The following MBD5 variants were observed in gnomAD, a reference collection of about 807,000 sequenced individuals.
MBD5 encodes the protein methyl-CpG-binding domain protein 5.
A neutral mutation model predicts 117.3 loss-of-function variants in MBD5; 13 were observed. The ratio of observed to expected loss-of-function variants is 0.11; its 90% CI spans 0.07 to 0.18. MBD5 has a LOEUF of 0.18. MBD5 is among the 10% of genes least tolerant of loss of function. MBD5 has a pLI of 1.00. For synonymous variants in MBD5, 727 were observed against 766.4 expected, an observed-to-expected ratio of 0.95 and a Z score of 0.85; for missense variants, 1,879 against 2,093.8, an observed-to-expected ratio of 0.90 and a Z score of 2.00.
intron 1 of MBD5, among the ~76,000 whole-genome samples, chr2:148,102,693 A>C (rs946800670): frequency 6.8e-6 from 1 of 147,812 alleles, no homozygotes; most frequent in Non-Finnish European, 1.5e-5. Context: ...ACAGAGAGAG[A>C]GAGAGATCAC....
intron 3 of MBD5, among the ~76,000 whole-genome samples, chr2:148,276,962 T>C (rs993620914): frequency 6.6e-6 from 1 of 152,184 alleles, no homozygotes; most frequent in African/African-American, 2.4e-5. Flanking sequence ...AGAGAAAGTT[T>C]GTATTTTCTC....
At chr2:148,208,476 C>T (rs1449999984) in intron 2 of MBD5, among the ~76,000 whole-genome samples, 1 of 151,990 alleles carries the variant, frequency 6.6e-6, no homozygotes, top group Non-Finnish European at 1.5e-5. Context: ...AGGCTGGTCT[C>T]GAACTCCTGA....
intron 3 of MBD5, among the ~76,000 whole-genome samples, chr2:148,301,570 C>A (rs763030721): frequency 6.6e-6 from 1 of 152,186 alleles, no homozygotes; most frequent in Non-Finnish European, 1.5e-5. Context: ...GGTGATTTGA[C>A]AGATCAAGTG....
chr2:148,199,792 A>G (rs1231389616), intron 2 of MBD5, among the ~76,000 whole-genome samples: 2 of 152,114 alleles, frequency 1.3e-5, no homozygotes, highest in African/African-American at 4.8e-5. Context: ...TTTTCAATAT[A>G]AATGTCATGG....
intron 1 of MBD5, among the ~76,000 whole-genome samples, chr2:148,061,060 G>A (rs901103900): frequency 3.3e-5 from 5 of 151,714 alleles, no homozygotes; most frequent in African/African-American, 7.3e-5. Context: ...TAGTTTTTGC[G>A]GTTTAATTTT....
intron 1 of MBD5, among the ~76,000 whole-genome samples, chr2:148,063,727 C>T (rs763956718): frequency 2.6e-5 from 4 of 152,000 alleles, no homozygotes; most frequent in South Asian, 2.1e-4. Context: ...ACAATTTACA[C>T]GTCCTGAAAA....
chr2:148,492,918 C>T lies in MBD5; in HGVS notation c.4962+2324C>T, dbSNP rs779947567. ...AGAACACTTTTTAAAATTTGTTACT[C>T]ATTCAGGTGAACCAATTTTGATGTA... is the stretch of plus-strand genomic sequence containing the variant. On this transcript the variant is annotated intron_variant, in intron 11 of 13. Coordinates refer to ENST00000642680, the MANE Select transcript of MBD5 (RefSeq NM_001378120.1). Among the ~76,000 whole-genome samples the T allele has an allele frequency of 1.3e-4, 19 of 151,996 alleles. 1 individual carries two copies. Among genetic ancestry groups the T allele is most frequent in the Middle Eastern group, 6.3e-3 (2 of 316 alleles).
At chr2:148,104,482 T>C (rs1051955159) in intron 1 of MBD5, among the ~76,000 whole-genome samples, 3 of 152,212 alleles carry the variant, frequency 2.0e-5, no homozygotes, top group African/African-American at 4.8e-5. Flanking sequence ...CTTTGGATCT[T>C]TAACCTATTG....
chr2:148,145,017 G>A (rs764267254), intron 1 of MBD5, among the ~76,000 whole-genome samples: 12 of 152,150 alleles, frequency 7.9e-5, no homozygotes, highest in Admixed American at 2.0e-4. Flanking sequence ...GGATGGCATC[G>A]AATCTATAAA....
At chr2:148,217,153 T>A (rs1383767503) in intron 2 of MBD5, among the ~76,000 whole-genome samples, 1 of 152,166 alleles carries the variant, frequency 6.6e-6, no homozygotes, top group Non-Finnish European at 1.5e-5. Flanking sequence ...GTTTTTTCCA[T>A]GTCACGTCTT....
chr2:148,464,625 T>A (rs1033765950), intron 7 of MBD5, among the ~76,000 whole-genome samples: 5 of 151,946 alleles, frequency 3.3e-5, no homozygotes, highest in Admixed American at 2.6e-4. Context: ...GTATTCAGAT[T>A]TCTCCAATTG....
chr2:148,292,022 A>T (rs1574247282), intron 3 of MBD5, among the ~76,000 whole-genome samples: 1 of 152,222 alleles, frequency 6.6e-6, no homozygotes, highest in East Asian at 1.9e-4. Flanking sequence ...ATGCAAAAGA[A>T]TGAAACTAGA....
intron 4 of MBD5, among the ~76,000 whole-genome samples, chr2:148,456,619 G>A (rs867693319): frequency 6.6e-6 from 1 of 152,156 alleles, no homozygotes; most frequent in Non-Finnish European, 1.5e-5. Context: ...TGTTATGCCT[G>A]TAGATGGGCC....
intron 1 of MBD5, among the ~76,000 whole-genome samples, chr2:148,112,802 C>T (rs1696532941): frequency 6.6e-6 from 1 of 152,036 alleles, no homozygotes. Flanking sequence ...TCCCAGGAGT[C>T]CTGTTCTGGC....
intron 3 of MBD5, among the ~76,000 whole-genome samples, chr2:148,254,910 G>T (rs1245363400): frequency 1.3e-5 from 2 of 152,168 alleles, no homozygotes; most frequent in Non-Finnish European, 2.9e-5. Context: ...GCGTGCTGTG[G>T]GTCTTGCAGT....
At chr2:148,172,386 G>C (rs1359620464) in intron 1 of MBD5, among the ~76,000 whole-genome samples, 1 of 152,328 alleles carries the variant, frequency 6.6e-6, no homozygotes, top group East Asian at 1.9e-4. Context: ...GACCAGTCAA[G>C]TGTGTGCATG....
chr2:148,359,543 A>C (rs1325840497), intron 4 of MBD5, among the ~76,000 whole-genome samples: 1 of 152,182 alleles, frequency 6.6e-6, no homozygotes. Flanking sequence ...ATATGTAAAA[A>C]GCATTTTTCT....
rs552647962 is a variant in MBD5, at chr2:148,269,074, A to G, written c.-680+35679A>G. ...ATACTAGTTTGATAAATGAAATTAA[A>G]GACTTTCTTTCTCTAAGATCATTGA... On this transcript the variant is annotated intron_variant, in intron 3 of 13. Transcript: ENST00000642680. 2.1e-4 allele frequency among the ~76,000 whole-genome samples: 24 copies of G among 114,774 alleles called. No individual in the cohort carries two copies. In the East Asian group the frequency reaches 9.6e-3, roughly 46 times the overall value. 75.3% of individuals were successfully genotyped at this position (114,774 alleles called of 152,430 possible).
chr2:148,326,310 C>T (rs1702449344), intron 3 of MBD5, among the ~76,000 whole-genome samples: 1 of 152,072 alleles, frequency 6.6e-6, no homozygotes, highest in South Asian at 2.1e-4. Context: ...AATGTATATT[C>T]TGTTGATTTG....
Sources: allele counts gnomAD v4.1 joint callset (sites outside exome capture counted in the v4.1 genomes callset), GRCh38; gene constraint gnomAD v4.1.1; transcripts MANE v1.5; gene names NCBI Gene and HGNC (gene_info 2026-07-23, HGNC 2026-07-21).